EYS: variants seen among roughly 807,000 people sequenced by gnomAD.
EYS encodes EGF-like photoreceptor maintenance factor, also known as protein eyes shut homolog.
In EYS, 250 loss-of-function variants were observed where a neutral mutation model predicts 282.1. The ratio of observed to expected loss-of-function variants is 0.89; its 90% confidence interval spans 0.80 to 0.98. The LOEUF (loss-of-function observed/expected upper bound fraction) is 0.98, where lower values mean the gene tolerates loss of function less well. EYS is among the 50% of genes least tolerant of loss of function. The probability of loss-of-function intolerance (pLI) is 0.00; values close to 1 mark genes in which losing one functional copy is unlikely to be tolerated. For missense variants in EYS, 4,016 were observed against 3,709.0 expected, an observed-to-expected ratio of 1.08 and a Z score of -2.15; for synonymous variants, 1,355 against 1,282.9, an observed-to-expected ratio of 1.06 and a Z score of -1.20.
chr6:64,882,681 A>G (rs1442425667), intron 19 of EYS, among the ~76,000 whole-genome samples: 2 of 151,704 alleles, frequency 1.3e-5, no homozygotes, highest in African/African-American at 4.8e-5. Context: ...TTACAGATGC[A>G]TAATGTGTAA....
At chr6:64,872,318 A>G (rs1320104359) in intron 19 of EYS, among the ~76,000 whole-genome samples, 1 of 152,078 alleles carries the variant, frequency 6.6e-6, no homozygotes, top group African/African-American at 2.4e-5. Flanking sequence ...ACCTTTATAA[A>G]TTATCTTGCC....
intron 22 of EYS, among the ~76,000 whole-genome samples, chr6:64,707,604 G>T (rs1247727973): frequency 2.0e-5 from 3 of 148,050 alleles, no homozygotes; most frequent in Non-Finnish European, 4.4e-5. Context: ...GGGAGGCCTT[G>T]CAGTGAGTGG....
chr6:65,080,380 T>C (rs1260079275), intron 12 of EYS, among the ~76,000 whole-genome samples: 1 of 152,142 alleles, frequency 6.6e-6, no homozygotes, highest in African/African-American at 2.4e-5. Flanking sequence ...TTAATGTGAC[T>C]TTTTTAAGCC....
intron 11 of EYS, among the ~76,000 whole-genome samples, chr6:65,299,705 T>C (rs931110572): frequency 1.3e-5 from 2 of 151,580 alleles, no homozygotes; most frequent in African/African-American, 4.8e-5. Flanking sequence ...TTCTAACTCA[T>C]CCTGCCACCT....
intron 31 of EYS, among the ~76,000 whole-genome samples, chr6:64,132,267 C>T (rs1368842955): frequency 6.6e-6 from 1 of 151,650 alleles, no homozygotes; most frequent in Middle Eastern, 3.4e-3. Context: ...GAATATACTG[C>T]GTTAAAATAA....
chr6:65,069,473 G>A (rs747575509), intron 12 of EYS, among the ~76,000 whole-genome samples: 1 of 151,838 alleles, frequency 6.6e-6, no homozygotes, highest in Non-Finnish European at 1.5e-5. Context: ...TCCAAACTGC[G>A]ATCTTTTGGT....
At chr6:65,562,008 T>C (rs1769078517) in intron 2 of EYS, among the ~76,000 whole-genome samples, 1 of 151,348 alleles carries the variant, frequency 6.6e-6, no homozygotes, top group African/African-American at 2.4e-5. Context: ...AAATTTTTTG[T>C]ATATTATATA....
chr6:64,083,028 C>T (rs1772026141), intron 31 of EYS, among the ~76,000 whole-genome samples: 1 of 151,918 alleles, frequency 6.6e-6, no homozygotes, highest in Admixed American at 6.6e-5. Context: ...TCTGCCTCAG[C>T]CTCTGAAGTA....
rs9345653 is a variant in EYS, at chr6:65,569,181, C to T, written c.-333+70597G>A. Among the ~76,000 whole-genome samples the T allele has an allele frequency of 7.8e-4, 119 of 152,090 alleles. 1 individual carries two copies. Among genetic ancestry groups the T allele is most frequent in the African/African-American group, 2.2e-3 (91 of 41,498 alleles). On this transcript the variant is annotated intron_variant, in intron 2 of 42. Coordinates refer to ENST00000503581, the MANE Select transcript of EYS (RefSeq NM_001142800.2). The stretch of plus-strand genomic sequence containing the variant: ...TGAAATTCCTTCTCCTGGCTCATCC[C>T]GGCTCAAAAGCTCCCCCACTGAGCA...
chr6:64,857,510 A>C (rs888184672), intron 19 of EYS, among the ~76,000 whole-genome samples: 11 of 152,190 alleles, frequency 7.2e-5, no homozygotes, highest in African/African-American at 2.7e-4. Context: ...AAATTCATTC[A>C]TGAAGACTTA....
intron 26 of EYS, among the ~76,000 whole-genome samples, chr6:64,582,633 G>A (rs974345409): frequency 3.4e-5 from 5 of 147,738 alleles, no homozygotes; most frequent in Admixed American, 2.1e-4. Context: ...GTACCACTGA[G>A]ATGGGTATTC....
At chr6:64,065,882 T>TA (rs1050110785) in intron 33 of EYS, among the ~76,000 whole-genome samples, 1 of 152,146 alleles carries the variant, frequency 6.6e-6, no homozygotes, top group Non-Finnish European at 1.5e-5. Flanking sequence ...AAAGCAAAAA[T>TA]AAAAAAGTAA....
chr6:64,092,713 C>G (rs1446221196), intron 31 of EYS, among the ~76,000 whole-genome samples: 3 of 151,654 alleles, frequency 2.0e-5, no homozygotes, highest in Non-Finnish European at 4.4e-5. Context: ...TGCCTGTTCA[C>G]TCTGATGGTA....
chr6:63,825,153 T>C (rs1771425712), intron 36 of EYS, among the ~76,000 whole-genome samples: 1 of 150,384 alleles, frequency 6.6e-6, no homozygotes. Context: ...CCTGACAACC[T>C]TCATGACTAG....
chr6:64,166,893 G>C (rs1048627513), intron 31 of EYS, among the ~76,000 whole-genome samples: 17 of 152,020 alleles, frequency 1.1e-4, no homozygotes, highest in Non-Finnish European at 1.9e-4. Flanking sequence ...ATATTTCCTG[G>C]ACACAATAAT....
chr6:64,340,913 A>G (rs375899386), intron 29 of EYS, among the ~76,000 whole-genome samples: 1 of 152,000 alleles, frequency 6.6e-6, no homozygotes, highest in African/African-American at 2.4e-5. Flanking sequence ...AAAGACATAA[A>G]CAGACACTTC....
intron 12 of EYS, among the ~76,000 whole-genome samples, chr6:65,183,121 T>C (rs1765433210): frequency 1.2e-4 from 18 of 152,020 alleles, no homozygotes; most frequent in Admixed American, 1.1e-3. Flanking sequence ...TCTGCATTTA[T>C]GTTTAAAATT....
intron 35 of EYS, among the ~76,000 whole-genome samples, chr6:63,977,633 A>G (rs1766901040): frequency 6.6e-6 from 1 of 151,916 alleles, no homozygotes; most frequent in Admixed American, 6.6e-5. Flanking sequence ...CAAACCAGAG[A>G]ATATTTTCCC....
chr6:63,869,163 C>A lies in EYS; in HGVS notation c.7056-4805G>T, dbSNP rs549334111. 4.6e-5 allele frequency among the ~76,000 whole-genome samples: 7 copies of A among 152,020 alleles called. No individual in the cohort carries two copies. In the East Asian group the frequency reaches 1.4e-3, roughly 29 times the overall value. On this transcript the variant is annotated intron_variant, in intron 35 of 42. Coordinates refer to ENST00000503581, the MANE Select transcript of EYS (RefSeq NM_001142800.2). ...TTATATGAAAGGGTTTTTCTAAAGG[C>A]AGGAACAAGATAAGAAAGGGTAAGA... is the stretch of plus-strand genomic sequence containing the variant.
Sources: gnomAD v4.1 joint callset for allele counts (sites outside exome capture counted in the v4.1 genomes callset) on GRCh38, gnomAD v4.1.1 for gene constraint, MANE v1.5 for transcripts, NCBI Gene and HGNC (gene_info 2026-07-23, HGNC 2026-07-21) for gene names.